Variants in GCNT1 observed in about 807,000 individuals in gnomAD.
GCNT1 encodes the protein glucosaminyl (N-acetyl) transferase 1.
A neutral mutation model predicts 26.2 loss-of-function variants in GCNT1; 16 were observed. That is an observed-to-expected ratio of 0.61 (90% confidence interval 0.41 to 0.93). GCNT1 has a LOEUF of 0.93. Among genes scored for constraint, GCNT1 ranks in the 40% least tolerant of loss-of-function variants. GCNT1 has a pLI of 0.00. For missense variants in GCNT1, 477 were observed against 526.7 expected, an observed-to-expected ratio of 0.91 and a Z score of 0.92; for synonymous variants, 183 against 190.8, an observed-to-expected ratio of 0.96 and a Z score of 0.34.
the GCNT1 span, among the ~76,000 whole-genome samples, chr9:76,405,309 A>G: frequency 6.6e-6 from 1 of 151,844 alleles, no homozygotes; most frequent in African/African-American, 2.4e-5. Flanking sequence ...ACACACACAC[A>G]CACACACAGG....
chr9:76,491,765 C>T (rs1824743822), intron 2 of GCNT1, among the ~76,000 whole-genome samples: 1 of 152,184 alleles, frequency 6.6e-6, no homozygotes, highest in African/African-American at 2.4e-5. Context: ...CAGTCATGCT[C>T]AACTGGTTCC....
intron 1 of GCNT1, chr9:76,442,395 T>C (rs1823495352): frequency 6.6e-6 from 1 of 152,250 alleles, no homozygotes; most frequent in Admixed American, 6.5e-5. Flanking sequence ...ACTAACACAG[T>C]TGTGACCAGG....
chr9:76,502,663 A>T lies in GCNT1; in HGVS notation c.282A>T (p.Ile94=). 1.9e-6 allele frequency: 3 copies of T among 1,614,200 alleles called. No individual in the cohort carries two copies. The highest frequency in any genetic ancestry group is 2.5e-6 in the Non-Finnish European group (3 of 1,180,016). ...KRPRWTPDDY[I]NMTSDCSSFI... is the part of the protein sequence containing the mutation. ...CTCGGTGGACACCTGACGACTATATAAACATGACCAGTGACTGTTCTTCTT... is the reference window on the plus strand; with the variant it reads ...CTCGGTGGACACCTGACGACTATATTAACATGACCAGTGACTGTTCTTCTT... Residue 94 remains isoleucine, a synonymous_variant, in exon 4 of 4, where the codon ATA becomes ATT. Transcript: ENST00000376730.
chr9:76,417,492 C>A (rs982108360), upstream of GCNT1, among the ~76,000 whole-genome samples: 2 of 152,112 alleles, frequency 1.3e-5, no homozygotes, highest in Admixed American at 1.3e-4. Context: ...GGATAAGAAG[C>A]CAGAGGTAAA....
upstream of GCNT1, among the ~76,000 whole-genome samples, chr9:76,458,175 ATTTTT>A (rs779648273): frequency 1.3e-5 from 1 of 76,212 alleles, no homozygotes; most frequent in Non-Finnish European, 2.3e-5. Flanking sequence ...TCTGAGTTGG[ATTTTT>A]TTTTTTTTTT....
At chr9:76,470,109 T>G (rs188585293) in intron 2 of GCNT1, among the ~76,000 whole-genome samples, 3 of 152,194 alleles carry the variant, frequency 2.0e-5, no homozygotes, top group Non-Finnish European at 2.9e-5. Context: ...CCTGTGTGTG[T>G]GTATATGACT....
the GCNT1 span, chr9:76,394,032 G>C: frequency 6.6e-7 from 1 of 1,509,962 alleles, no homozygotes; most frequent in South Asian, 1.2e-5. Context: ...CCCGGCTGCC[G>C]TCTCTCCCCG....
intron 2 of GCNT1, among the ~76,000 whole-genome samples, chr9:76,479,010 C>T (rs907289362): frequency 2.0e-5 from 3 of 151,956 alleles, no homozygotes; most frequent in African/African-American, 4.8e-5. Context: ...ATCCCCCTTC[C>T]CCCCACCCCA....
intron 2 of GCNT1, among the ~76,000 whole-genome samples, chr9:76,484,142 A>G (rs1371171112): frequency 1.3e-5 from 2 of 152,216 alleles, no homozygotes; most frequent in African/African-American, 2.4e-5. Flanking sequence ...GCACTTTGGG[A>G]GGCCAAGGCA....
intron 2 of GCNT1, among the ~76,000 whole-genome samples, chr9:76,468,121 C>A (rs1824047337): frequency 6.6e-6 from 1 of 151,908 alleles, no homozygotes; most frequent in Non-Finnish European, 1.5e-5. Flanking sequence ...GTTTCGAACT[C>A]CTTAACCTCA....
chr9:76,480,206 T>C (rs1017638581), intron 2 of GCNT1, among the ~76,000 whole-genome samples: 1 of 152,256 alleles, frequency 6.6e-6, no homozygotes, highest in African/African-American at 2.4e-5. Context: ...TCTGTTCCAT[T>C]GGTCTATATC....
chr9:76,417,453 A>G (rs1011619071), upstream of GCNT1, among the ~76,000 whole-genome samples: 1 of 152,244 alleles, frequency 6.6e-6, no homozygotes, highest in Admixed American at 6.5e-5. Flanking sequence ...TTATTTATAC[A>G]TGCACTCATT....
At chr9:76,483,215 G>A (rs950177764) in intron 2 of GCNT1, among the ~76,000 whole-genome samples, 1 of 152,082 alleles carries the variant, frequency 6.6e-6, no homozygotes, top group African/African-American at 2.4e-5. Flanking sequence ...GTTGAGACTA[G>A]CCTCATTTCA....
upstream of GCNT1, among the ~76,000 whole-genome samples, chr9:76,436,904 A>G (rs968952581): frequency 6.6e-6 from 1 of 152,168 alleles, no homozygotes; most frequent in Non-Finnish European, 1.5e-5. Context: ...TGGGAATTGA[A>G]CAATGAGAAC....
At chr9:76,454,290 C>T (rs956693488), upstream of GCNT1, among the ~76,000 whole-genome samples, 11 of 147,306 alleles carry the variant, frequency 7.5e-5, no homozygotes, top group Non-Finnish European at 1.2e-4. Context: ...GCAGAAGAAT[C>T]GCTTGAACCC....
At chr9:76,449,363 G>C (rs1160941123) in intron 1 of GCNT1, among the ~76,000 whole-genome samples, 1 of 152,134 alleles carries the variant, frequency 6.6e-6, no homozygotes, top group South Asian at 2.1e-4. Context: ...AAAAAAGAAT[G>C]TGCCACCTCA....
intron 2 of GCNT1, among the ~76,000 whole-genome samples, chr9:76,496,617 G>A (rs1412955107): frequency 6.6e-6 from 1 of 152,072 alleles, no homozygotes; most frequent in Admixed American, 6.5e-5. Flanking sequence ...TGACCATATC[G>A]TCACCTTAGG....
chr9:76,469,312 A>T (rs1446325339), intron 2 of GCNT1, among the ~76,000 whole-genome samples: 1 of 152,204 alleles, frequency 6.6e-6, no homozygotes, highest in Non-Finnish European at 1.5e-5. Flanking sequence ...TCCACCTTTA[A>T]ACATGGGGCT....
upstream of GCNT1, among the ~76,000 whole-genome samples, chr9:76,439,610 G>A (rs1823455289): frequency 6.6e-6 from 1 of 152,180 alleles, no homozygotes; most frequent in Non-Finnish European, 1.5e-5. Context: ...TAAATCAGTT[G>A]TTGGTAAAAG....
Sources: gnomAD v4.1 joint callset for allele counts (sites outside exome capture counted in the v4.1 genomes callset) on GRCh38, gnomAD v4.1.1 for gene constraint, MANE v1.5 for transcripts, NCBI Gene and HGNC (gene_info 2026-07-23, HGNC 2026-07-21) for gene names.